The following RALGPS2 variants were observed in gnomAD, a reference collection of about 807,000 sequenced individuals.
RALGPS2 encodes Ral GEF with PH domain and SH3 binding motif 2.
A neutral mutation model predicts 86.8 loss-of-function variants in RALGPS2; 43 were observed. The observed-to-expected ratio is 0.50, with a 90% CI of 0.39 to 0.64. The LOEUF (loss-of-function observed/expected upper bound fraction) is 0.64, where lower values mean the gene tolerates loss of function less well. Among genes scored for constraint, RALGPS2 ranks in the 30% least tolerant of loss-of-function variants. The pLI is 0.00. For synonymous variants in RALGPS2, 243 were observed against 231.3 expected, an observed-to-expected ratio of 1.05 and a Z score of -0.46; for missense variants, 536 against 694.6, an observed-to-expected ratio of 0.77 and a Z score of 2.57.
intron 8 of RALGPS2, among the ~76,000 whole-genome samples, chr1:178,859,852 G>C (rs1048175558): frequency 1.1e-4 from 11 of 97,676 alleles, no homozygotes; most frequent in Non-Finnish European, 2.0e-4. Context: ...AAGTAGCTGG[G>C]ACTACAGGCG....
At chr1:178,801,369 C>CAAT (rs903998166) in intron 4 of RALGPS2, among the ~76,000 whole-genome samples, 2 of 151,668 alleles carry the variant, frequency 1.3e-5, no homozygotes, top group South Asian at 4.2e-4. Context: ...TTAATAGTAG[C>CAAT]AATAATAATA....
At chr1:178,753,360 C>T (rs543031987) in intron 1 of RALGPS2, among the ~76,000 whole-genome samples, 4 of 152,152 alleles carry the variant, frequency 2.6e-5, no homozygotes, top group South Asian at 2.1e-4. Flanking sequence ...GGCCCTGAGA[C>T]AAGTCAAATA....
At chr1:178,864,759 T>C (rs754593455) in intron 8 of RALGPS2, among the ~76,000 whole-genome samples, 5 of 152,120 alleles carry the variant, frequency 3.3e-5, no homozygotes, top group Non-Finnish European at 5.9e-5. Context: ...TAAGTTTTTA[T>C]AAACTCCTGG....
intron 8 of RALGPS2, among the ~76,000 whole-genome samples, chr1:178,873,401 CAGAG>C (rs140625604): frequency 0.039 from 5,985 of 152,182 alleles, 167 homozygotes; most frequent in Middle Eastern, 0.12. Context: ...AATTAAGACA[CAGAG>C]AGATACCATT....
intron 8 of RALGPS2, among the ~76,000 whole-genome samples, chr1:178,836,953 AT>A (rs932279518): frequency 2.0e-5 from 3 of 151,570 alleles, no homozygotes; most frequent in African/African-American, 7.3e-5. Flanking sequence ...TAATTTTAAA[AT>A]TTTTTTTGTA....
intron 4 of RALGPS2, among the ~76,000 whole-genome samples, chr1:178,800,690 G>A (rs1231206936): frequency 6.6e-6 from 1 of 152,142 alleles, no homozygotes; most frequent in Non-Finnish European, 1.5e-5. Context: ...AAGGTTATAT[G>A]TGCATAATTT....
At chr1:178,749,339 C>A (rs1651520861) in intron 1 of RALGPS2, among the ~76,000 whole-genome samples, 1 of 151,990 alleles carries the variant, frequency 6.6e-6, no homozygotes, top group South Asian at 2.1e-4. Context: ...ATACAAAAAT[C>A]AGCTGGCGTG....
At chr1:178,904,600 A>G (rs1238286889) in intron 18 of RALGPS2, among the ~76,000 whole-genome samples, 3 of 152,168 alleles carry the variant, frequency 2.0e-5, no homozygotes, top group African/African-American at 7.2e-5. Flanking sequence ...CCGTTAGTTA[A>G]AAAGGGTGTC....
chr1:178,818,398 CA>C (rs1572363495), intron 6 of RALGPS2, among the ~76,000 whole-genome samples: 1 of 152,072 alleles, frequency 6.6e-6, no homozygotes, highest in East Asian at 1.9e-4. Flanking sequence ...TTTTCTGATC[CA>C]ATTAGGAATT....
chr1:178,864,361 T>C (rs1033749664), intron 8 of RALGPS2, among the ~76,000 whole-genome samples: 9 of 152,132 alleles, frequency 5.9e-5, no homozygotes, highest in African/African-American at 2.2e-4. Flanking sequence ...AGGGATACCT[T>C]TTCTTGAGGC....
intron 1 of RALGPS2, chr1:178,746,644 C>G: frequency 2.6e-6 from 2 of 763,442 alleles, no homozygotes; most frequent in Non-Finnish European, 4.9e-6. Context: ...ATCAATGGTT[C>G]CAAATTTATA....
At position 178,852,634 on chromosome 1, in the gene RALGPS2, T is replaced by C. The variant is rs575486511; in HGVS notation, c.607+19084T>C. ...ATATATATTAGTAGATTCTATTTAA[T>C]GCATAGAAGGTGATGATTCTACAAA... On this transcript the variant is annotated intron_variant, in intron 8 of 19. Coordinates refer to ENST00000367635, the MANE Select transcript of RALGPS2 (RefSeq NM_152663.5). 17 of 1,554,324 alleles carry C rather than the reference T, an allele frequency of 1.1e-5. 1 individual carries two copies. In the South Asian group the frequency reaches 2.0e-4, roughly 19 times the overall value.
intron 4 of RALGPS2, among the ~76,000 whole-genome samples, chr1:178,787,397 C>T (rs1253892200): frequency 1.3e-5 from 2 of 152,100 alleles, no homozygotes. Context: ...TTTTATGTAA[C>T]CTGCTACATA....
At chr1:178,753,086 C>T (rs1261478370) in intron 1 of RALGPS2, among the ~76,000 whole-genome samples, 4 of 152,220 alleles carry the variant, frequency 2.6e-5, no homozygotes, top group African/African-American at 9.6e-5. Context: ...ACTTGAACTA[C>T]TGGTAGTCCA....
chr1:178,811,012 A>G (rs568671399), intron 5 of RALGPS2, among the ~76,000 whole-genome samples: 2 of 152,258 alleles, frequency 1.3e-5, no homozygotes, highest in South Asian at 4.1e-4. Context: ...ATTTGAAAGC[A>G]TTACAAAATT....
chr1:178,792,909 C>T (rs576317093), intron 4 of RALGPS2, among the ~76,000 whole-genome samples: 1 of 152,330 alleles, frequency 6.6e-6, no homozygotes, highest in East Asian at 1.9e-4. Flanking sequence ...GCAACTCTTA[C>T]TTTCACACAG....
At chr1:178,744,047 C>T (rs1434035765) in intron 1 of RALGPS2, among the ~76,000 whole-genome samples, 2 of 152,120 alleles carry the variant, frequency 1.3e-5, no homozygotes, top group Non-Finnish European at 2.9e-5. Context: ...ACTAGACAGA[C>T]GTTGTGAGGT....
In RALGPS2 at chr1:178,892,221, A is replaced by T. The variant is rs778247503; in HGVS notation, c.1248-9A>T. On this transcript the variant is annotated splice_polypyrimidine_tract_variant and intron_variant, in intron 14 of 19. Coordinates refer to ENST00000367635, the MANE Select transcript of RALGPS2 (RefSeq NM_152663.5). ...TGTAATATATACAATTTATAATGGAATCCAACAGGAACAGATTATACCATT... is the reference window on the plus strand; with the variant it reads ...TGTAATATATACAATTTATAATGGATTCCAACAGGAACAGATTATACCATT... 4.9e-5 allele frequency: 79 copies of T among 1,610,526 alleles called. No individual in the cohort carries two copies. The highest frequency in any genetic ancestry group is 6.3e-5 in the Non-Finnish European group (74 of 1,177,402).
chr1:178,911,876 A>G (rs1660642181), intron 19 of RALGPS2, among the ~76,000 whole-genome samples: 1 of 152,070 alleles, frequency 6.6e-6, no homozygotes, highest in Non-Finnish European at 1.5e-5. Context: ...TTGTTTTCCT[A>G]ATCTAGATGC....
Sources: allele counts gnomAD v4.1 joint callset (sites outside exome capture counted in the v4.1 genomes callset), GRCh38; gene constraint gnomAD v4.1.1; transcripts MANE v1.5; gene names NCBI Gene and HGNC (gene_info 2026-07-23, HGNC 2026-07-21).